The following NTNG1 variants were observed in gnomAD, a reference collection of about 807,000 sequenced individuals.
NTNG1 encodes the protein netrin G1, also known as netrin-G1.
In NTNG1, 16 loss-of-function variants were observed where a neutral mutation model predicts 54.0. The observed-to-expected ratio is 0.30, with a 90% CI of 0.20 to 0.45. NTNG1 has a LOEUF of 0.45. NTNG1 is among the 20% of genes least tolerant of loss of function. The pLI is 1.00. For synonymous variants in NTNG1, 255 were observed against 263.1 expected, an observed-to-expected ratio of 0.97 and a Z score of 0.30; for missense variants, 530 against 678.7, an observed-to-expected ratio of 0.78 and a Z score of 2.43.
intron 2 of NTNG1, among the ~76,000 whole-genome samples, chr1:107,150,362 A>AT (rs1481026575): frequency 2.6e-5 from 4 of 152,138 alleles, no homozygotes; most frequent in Non-Finnish European, 4.4e-5. Flanking sequence ...GAGGTCTTTA[A>AT]TAATTTCTCA....
chr1:107,393,615 C>A (rs1161007858), intron 3 of NTNG1, among the ~76,000 whole-genome samples: 1 of 150,272 alleles, frequency 6.7e-6, no homozygotes, highest in Non-Finnish European at 1.5e-5. Context: ...GTAATAGACC[C>A]CCGAGAAAGC....
chr1:107,399,038 T>C (rs1672859287), intron 4 of NTNG1, among the ~76,000 whole-genome samples: 1 of 152,168 alleles, frequency 6.6e-6, no homozygotes, highest in African/African-American at 2.4e-5. Flanking sequence ...ATTATACCTA[T>C]ACCTCTCCTT....
chr1:107,149,155 T>C (rs539658580), intron 2 of NTNG1, among the ~76,000 whole-genome samples: 1 of 152,172 alleles, frequency 6.6e-6, no homozygotes, highest in Non-Finnish European at 1.5e-5. Flanking sequence ...GATTGGAGGT[T>C]GGAAATATGA....
chr1:107,225,801 T>C (rs185862468), intron 2 of NTNG1, among the ~76,000 whole-genome samples: 8 of 152,278 alleles, frequency 5.3e-5, no homozygotes, highest in African/African-American at 1.7e-4. Flanking sequence ...TGTATTGATA[T>C]AGAAATGAAT....
intron 3 of NTNG1, among the ~76,000 whole-genome samples, chr1:107,373,281 T>G (rs1465649734): frequency 2.6e-5 from 4 of 152,158 alleles, no homozygotes; most frequent in Middle Eastern, 3.4e-3. Flanking sequence ...GAGTATATAA[T>G]ATATAACTAT....
intron 3 of NTNG1, among the ~76,000 whole-genome samples, chr1:107,353,385 T>C (rs962683665): frequency 1.2e-4 from 18 of 152,206 alleles, no homozygotes; most frequent in Non-Finnish European, 2.4e-4. Context: ...CACAGATCCC[T>C]AGGGCAGGGC....
chr1:107,189,764 C>T (rs979605221), intron 2 of NTNG1, among the ~76,000 whole-genome samples: 3 of 151,212 alleles, frequency 2.0e-5, no homozygotes, highest in Non-Finnish European at 4.4e-5. Flanking sequence ...AACAGAAAGG[C>T]CTCAATGTCC....
chr1:107,366,426 T>G (rs2100973562), intron 3 of NTNG1, among the ~76,000 whole-genome samples: 1 of 152,328 alleles, frequency 6.6e-6, no homozygotes, highest in African/African-American at 2.4e-5. Flanking sequence ...AAATAAAGTT[T>G]GTTGTGACAC....
intron 7 of NTNG1, among the ~76,000 whole-genome samples, chr1:107,478,537 CT>C (rs939119343): frequency 2.2e-4 from 33 of 151,500 alleles, no homozygotes; most frequent in Middle Eastern, 3.4e-3. Flanking sequence ...AGAAAAATAG[CT>C]TTTTTTTTCT....
intron 2 of NTNG1, among the ~76,000 whole-genome samples, chr1:107,205,441 C>T (rs1450095714): frequency 6.6e-6 from 1 of 152,108 alleles, no homozygotes; most frequent in Non-Finnish European, 1.5e-5. Context: ...TGTCCGAGCT[C>T]AAGCCAGAAA....
chr1:107,431,977 C>A (rs1020260399), intron 6 of NTNG1, among the ~76,000 whole-genome samples: 4 of 151,708 alleles, frequency 2.6e-5, no homozygotes, highest in African/African-American at 9.7e-5. Context: ...CCAAGTGTCA[C>A]AAAAAAAAGC....
chr1:107,477,513 AT>A (rs1231578695), intron 7 of NTNG1, among the ~76,000 whole-genome samples: 1 of 152,144 alleles, frequency 6.6e-6, no homozygotes, highest in Non-Finnish European at 1.5e-5. Context: ...TTAAAAGACA[AT>A]TGCTTAATAA....
At chr1:107,461,344 C>T (rs757185306) in intron 7 of NTNG1, among the ~76,000 whole-genome samples, 6 of 151,968 alleles carry the variant, frequency 3.9e-5, no homozygotes, top group Admixed American at 6.5e-5. Flanking sequence ...GTGTTCCAGG[C>T]GGAGGAGACA....
chr1:107,457,010 T>C (rs1558013783), intron 7 of NTNG1, among the ~76,000 whole-genome samples: 1 of 152,234 alleles, frequency 6.6e-6, no homozygotes, highest in African/African-American at 2.4e-5. Flanking sequence ...AGAAATGGCT[T>C]CCTTTTTATT....
In NTNG1 at chr1:107,415,552, C is replaced by T. The variant is rs562180145; in HGVS notation, c.1087+7844C>T. Among the ~76,000 whole-genome samples the T allele has an allele frequency of 2.1e-4, 32 of 152,174 alleles. No homozygotes were observed. The East Asian group carries it at 2.7e-3, about 13-fold the overall frequency. On this transcript the variant is annotated intron_variant, in intron 5 of 7. Transcript: ENST00000370068. ...TAACAGCCAGATAGCTCCTCAGTGG[C>T]GGAACGGGGATCAGACGTGTCATCT... is the stretch of plus-strand genomic sequence containing the variant.
intron 3 of NTNG1, among the ~76,000 whole-genome samples, chr1:107,330,454 C>T (rs756813641): frequency 6.6e-6 from 1 of 152,134 alleles, no homozygotes; most frequent in Admixed American, 6.6e-5. Context: ...CAGAAAAGCT[C>T]TCCATATTCC....
chr1:107,372,569 T>A (rs1453976251), intron 3 of NTNG1, among the ~76,000 whole-genome samples: 1 of 152,072 alleles, frequency 6.6e-6, no homozygotes, highest in Non-Finnish European at 1.5e-5. Flanking sequence ...TTCAACTTAT[T>A]TTATGGCTTA....
intron 7 of NTNG1, among the ~76,000 whole-genome samples, chr1:107,459,060 C>A (rs190927802): frequency 4.1e-4 from 62 of 152,150 alleles, no homozygotes; most frequent in Admixed American, 3.7e-3. Context: ...TTATCTTTTA[C>A]CACTGAAAAA....
intron 3 of NTNG1, among the ~76,000 whole-genome samples, chr1:107,385,183 T>C (rs537643301): frequency 7.0e-4 from 107 of 152,300 alleles, no homozygotes; most frequent in African/African-American, 2.5e-3. Context: ...GAAGACAGAC[T>C]CACGTTAACA....
Sources: allele counts gnomAD v4.1 joint callset (sites outside exome capture counted in the v4.1 genomes callset), GRCh38; gene constraint gnomAD v4.1.1; transcripts MANE v1.5; gene names NCBI Gene and HGNC (gene_info 2026-07-23, HGNC 2026-07-21).